Variants in VKORC1L1 observed in about 807,000 individuals in gnomAD.
VKORC1L1 encodes vitamin K epoxide reductase complex subunit 1-like protein 1.
Under a neutral mutation model 18.9 loss-of-function variants are expected in VKORC1L1, and 2 were observed. The ratio of observed to expected loss-of-function variants is 0.11; its 90% CI spans 0.04 to 0.33. The LOEUF is 0.33. Ranked by LOEUF, VKORC1L1 falls within the 10% of genes least tolerant of loss-of-function variation. The pLI is 1.00. For missense variants in VKORC1L1, 123 were observed against 224.1 expected (o/e 0.55, Z 2.88); for synonymous variants, 96 against 100.0 (o/e 0.96, Z 0.24).
chr7:65,909,208 T>C (rs1476107176), intron 1 of VKORC1L1, among the ~76,000 whole-genome samples: 1 of 147,414 alleles, frequency 6.8e-6, no homozygotes, highest in East Asian at 2.1e-4. Flanking sequence ...GGTCTCAAAC[T>C]CCTCACCTCA....
intron 1 of VKORC1L1, among the ~76,000 whole-genome samples, chr7:65,948,138 C>T (rs1408644021): frequency 2.0e-5 from 3 of 152,108 alleles, no homozygotes; most frequent in African/African-American, 4.8e-5. Flanking sequence ...CGTGTCCCAG[C>T]GGATGTTTGG....
upstream of VKORC1L1, among the ~76,000 whole-genome samples, chr7:65,871,077 G>A (rs1317799728): frequency 6.6e-6 from 1 of 152,224 alleles, no homozygotes; most frequent in Non-Finnish European, 1.5e-5. Flanking sequence ...CCTGGGCAGA[G>A]CAAGGATGTT....
intron 1 of VKORC1L1, among the ~76,000 whole-genome samples, chr7:65,917,229 T>C (rs1007568908): frequency 6.6e-6 from 1 of 152,212 alleles, no homozygotes; most frequent in Non-Finnish European, 1.5e-5. Context: ...TTGATTTTAC[T>C]TTAATGTTTC....
rs149387224 is a variant in VKORC1L1 at position 65,936,212 on chromosome 7, T to C, written c.195-12459T>C. On this transcript the variant is annotated intron_variant, in intron 1 of 2. Coordinates refer to ENST00000360768, the MANE Select transcript of VKORC1L1 (RefSeq NM_173517.6). Reference sequence around the variant, plus strand: ...AGTCATTTCTCTTTACTTTCACTTATGGAACATAGATGTAATAACTGTTTT... The same window carrying C: ...AGTCATTTCTCTTTACTTTCACTTACGGAACATAGATGTAATAACTGTTTT... Among the ~76,000 whole-genome samples the C allele has an allele frequency of 4.6e-5, 7 of 152,312 alleles. No individual in the cohort carries two copies. The East Asian group carries it at 1.2e-3, about 25-fold the overall frequency.
At position 65,956,023 on chromosome 7, in the gene VKORC1L1, CAGTTTCTT is replaced by C. The variant is rs1790289832; in HGVS notation, c.*1725_*1732del. On this transcript the variant is annotated 3_prime_UTR_variant, in exon 3 of 3. Coordinates refer to ENST00000360768, the MANE Select transcript of VKORC1L1 (RefSeq NM_173517.6). ...TAATGAACTTTTCACCAGTTTCAAC[CAGTTTCTT>C]AAAAGAGAGCTTAAGTCAAGATTTC... 1.3e-5 allele frequency: 2 copies of C among 152,322 alleles called. No homozygotes were observed. The highest frequency in any genetic ancestry group is 4.8e-5 in the African/African-American group (2 of 41,572). The allele number at this position is 152,322 out of a possible 1,614,324, so 9.4% of individuals were successfully genotyped here.
chr7:65,895,456 A>G (rs1308100127), intron 1 of VKORC1L1, among the ~76,000 whole-genome samples: 1 of 22,824 alleles, frequency 4.4e-5, no homozygotes, highest in East Asian at 2.6e-3. Context: ...TCTGTGAGAA[A>G]AAAAAAAAAA....
chr7:65,871,652 C>T (rs536840196), upstream of VKORC1L1, among the ~76,000 whole-genome samples: 2 of 152,332 alleles, frequency 1.3e-5, no homozygotes, highest in African/African-American at 4.8e-5. Context: ...AAGCCTGCCG[C>T]TTCTTACCAA....
intron 1 of VKORC1L1, among the ~76,000 whole-genome samples, chr7:65,880,936 C>T (rs537532856): frequency 6.6e-6 from 1 of 152,274 alleles, no homozygotes; most frequent in South Asian, 2.1e-4. Context: ...ATCCGAAAAT[C>T]CAAAATCTGA....
upstream of VKORC1L1, among the ~76,000 whole-genome samples, chr7:65,870,920 G>A (rs1250049376): frequency 6.6e-6 from 1 of 152,002 alleles, no homozygotes; most frequent in Non-Finnish European, 1.5e-5. Context: ...CCAAGTAGCT[G>A]GAACAACAGG....
At chr7:65,914,712 C>T (rs560530945) in intron 1 of VKORC1L1, among the ~76,000 whole-genome samples, 1 of 152,292 alleles carries the variant, frequency 6.6e-6, no homozygotes, top group Non-Finnish European at 1.5e-5. Context: ...TACTTACTCT[C>T]CCTCTGGCTG....
intron 1 of VKORC1L1, among the ~76,000 whole-genome samples, chr7:65,899,370 A>G (rs1358340042): frequency 1.3e-5 from 2 of 152,146 alleles, no homozygotes; most frequent in African/African-American, 2.4e-5. Context: ...CTCTTTGCAG[A>G]TTGTCTCATA....
chr7:65,891,283 CT>C (rs1242392222), intron 1 of VKORC1L1, among the ~76,000 whole-genome samples: 1 of 151,868 alleles, frequency 6.6e-6, no homozygotes, highest in Non-Finnish European at 1.5e-5. Flanking sequence ...ACTAATTTCT[CT>C]TGTGTATATA....
intron 1 of VKORC1L1, among the ~76,000 whole-genome samples, chr7:65,910,147 T>G (rs1789480098): frequency 6.6e-6 from 1 of 152,216 alleles, no homozygotes; most frequent in Non-Finnish European, 1.5e-5. Context: ...GGAAACAAAC[T>G]TGTTTCTTAC....
intron 1 of VKORC1L1, among the ~76,000 whole-genome samples, chr7:65,891,649 A>T (rs1199753177): frequency 6.6e-6 from 1 of 151,914 alleles, no homozygotes; most frequent in Non-Finnish European, 1.5e-5. Context: ...CACTAACAGA[A>T]TTTTTTTTAT....
At chr7:65,868,211 T>C (rs1788686026), upstream of VKORC1L1, among the ~76,000 whole-genome samples, 1 of 152,054 alleles carries the variant, frequency 6.6e-6, no homozygotes, top group Admixed American at 6.6e-5. Context: ...ACCTTGCACT[T>C]TGAGAGGCTG....
At chr7:65,890,455 G>C (rs989009121) in intron 1 of VKORC1L1, among the ~76,000 whole-genome samples, 76 of 151,894 alleles carry the variant, frequency 5.0e-4, no homozygotes, top group Admixed American at 3.3e-4. Context: ...TTTTAGTAGA[G>C]ATGGCATTTC....
At chr7:65,947,030 C>T (rs1283025766) in intron 1 of VKORC1L1, among the ~76,000 whole-genome samples, 2 of 151,882 alleles carry the variant, frequency 1.3e-5, no homozygotes, top group Non-Finnish European at 1.5e-5. Flanking sequence ...TCAGCTACTT[C>T]GGGAGGCTGA....
At chr7:65,870,834 G>A (rs564408222), upstream of VKORC1L1, among the ~76,000 whole-genome samples, 5 of 152,302 alleles carry the variant, frequency 3.3e-5, no homozygotes, top group Non-Finnish European at 5.9e-5. Flanking sequence ...AGGCTGGAGT[G>A]CAGTGGGGCA....
intron 1 of VKORC1L1, among the ~76,000 whole-genome samples, chr7:65,875,780 A>T (rs374627159): frequency 6.6e-6 from 1 of 152,132 alleles, no homozygotes; most frequent in South Asian, 2.1e-4. Context: ...TTGAGTGGTG[A>T]TTGCCATGTA....
Sources: allele counts gnomAD v4.1 joint callset (sites outside exome capture counted in the v4.1 genomes callset), GRCh38; gene constraint gnomAD v4.1.1; transcripts MANE v1.5; gene names NCBI Gene and HGNC (gene_info 2026-07-23, HGNC 2026-07-21).